Variants in IGBP1C observed in about 807,000 individuals in gnomAD.
IGBP1C encodes the protein IGBP1 family member C, also known as immunoglobulin-binding protein 1 family member C.
chr17:58,662,927 G>A, the IGBP1C span, among the ~76,000 whole-genome samples: 1 of 151,608 alleles, frequency 6.6e-6, no homozygotes, highest in African/African-American at 2.4e-5. Context: ...AGACCATGGT[G>A]AAACCCCGTC....
chr17:58,679,360 G>C, the IGBP1C span, among the ~76,000 whole-genome samples: 159 of 152,238 alleles, frequency 1.0e-3, 1 homozygote, highest in African/African-American at 3.6e-3. Context: ...AGTACTCAAT[G>C]ACAACACCAA....
the IGBP1C span, among the ~76,000 whole-genome samples, chr17:58,691,687 C>T: frequency 1.6e-4 from 19 of 115,160 alleles, no homozygotes; most frequent in African/African-American, 6.0e-4. Flanking sequence ...AAAAAAAAAT[C>T]GCCAATAGGT....
chr17:58,664,425 T>G, the IGBP1C span, among the ~76,000 whole-genome samples: 1 of 152,206 alleles, frequency 6.6e-6, no homozygotes, highest in Non-Finnish European at 1.5e-5. Context: ...TTCTTGAATT[T>G]CTTTGCTGCT....
At chr17:58,671,973 G>A in the IGBP1C span, among the ~76,000 whole-genome samples, 11 of 152,002 alleles carry the variant, frequency 7.2e-5, no homozygotes, top group Admixed American at 6.6e-4. Context: ...TTGGCACCAG[G>A]GACCAGTTTC....
At chr17:58,671,601 A>G in the IGBP1C span, among the ~76,000 whole-genome samples, 1 of 152,138 alleles carries the variant, frequency 6.6e-6, no homozygotes, top group Non-Finnish European at 1.5e-5. Context: ...ATTAAAAGCC[A>G]GCCCCAGAGC....
chr17:58,662,413 T>TCACACACACA, the IGBP1C span, among the ~76,000 whole-genome samples: 20 of 127,674 alleles, frequency 1.6e-4, no homozygotes, highest in Non-Finnish European at 2.1e-4. Context: ...AGCACACATA[T>TCACACACACA]CTCACACACA....
chr17:58,675,321 G>T, the IGBP1C span: 2 of 153,418 alleles, frequency 1.3e-5, no homozygotes, highest in South Asian at 3.6e-4. Context: ...TGATTTTCCC[G>T]AAAAAAGCTA....
At chr17:58,661,362 A>G in the IGBP1C span, 3 of 920,130 alleles carry the variant, frequency 3.3e-6, no homozygotes, top group Non-Finnish European at 3.7e-6. Context: ...ACCATCAGGT[A>G]CTTCAGGTCG....
the IGBP1C span, chr17:58,661,328 G>A: frequency 1.8e-5 from 16 of 876,870 alleles, no homozygotes; most frequent in Non-Finnish European, 3.2e-5. Flanking sequence ...TTGTTTCATG[G>A]TGAGGGCTCC....
the IGBP1C span, among the ~76,000 whole-genome samples, chr17:58,663,023 G>A: frequency 3.3e-5 from 5 of 151,476 alleles, no homozygotes; most frequent in East Asian, 1.9e-4. Context: ...GCAGGAGAAC[G>A]GTGTGAACCC....
the IGBP1C span, chr17:58,691,834 C>T: frequency 6.6e-6 from 1 of 152,200 alleles, no homozygotes; most frequent in Non-Finnish European, 1.5e-5. Flanking sequence ...TGCTTGAACA[C>T]CCCTTCCCAA....
chr17:58,674,742 C>T, the IGBP1C span, among the ~76,000 whole-genome samples: 9 of 149,032 alleles, frequency 6.0e-5, no homozygotes, highest in African/African-American at 2.2e-4. Flanking sequence ...GGAATGATTT[C>T]TTACATATGA....
At chr17:58,679,077 C>G in the IGBP1C span, among the ~76,000 whole-genome samples, 4 of 151,894 alleles carry the variant, frequency 2.6e-5, no homozygotes, top group African/African-American at 9.7e-5. Flanking sequence ...TCCCTTGAAC[C>G]CTTGAGGCTG....
At chr17:58,666,716 C>T in the IGBP1C span, 1 of 152,160 alleles carries the variant, frequency 6.6e-6, no homozygotes, top group Admixed American at 6.5e-5. Flanking sequence ...TGCGTGACCC[C>T]AGCAATCCCC....
the IGBP1C span, among the ~76,000 whole-genome samples, chr17:58,667,204 G>A: frequency 6.6e-6 from 1 of 152,162 alleles, no homozygotes; most frequent in African/African-American, 2.4e-5. Context: ...TCCAAGAAGG[G>A]GAACAGGGCA....
chr17:58,686,861 CTTTTTTTTTTTTTT>C, the IGBP1C span, among the ~76,000 whole-genome samples: 116 of 71,540 alleles, frequency 1.6e-3, 2 homozygotes, highest in Non-Finnish European at 2.0e-3. Context: ...GAAAGGTCAC[CTTTTTTTTTTTTTT>C]TTTTTTTTTT....
chr17:58,674,755 T>A, the IGBP1C span, among the ~76,000 whole-genome samples: 1 of 141,914 alleles, frequency 7.0e-6, no homozygotes, highest in Non-Finnish European at 1.5e-5. Flanking sequence ...ACATATGACA[T>A]CAAAAGCACA....
the IGBP1C span, among the ~76,000 whole-genome samples, chr17:58,670,685 A>C: frequency 6.8e-6 from 1 of 147,986 alleles, no homozygotes; most frequent in East Asian, 2.1e-4. Flanking sequence ...AGGCAGGATA[A>C]TTGCTTGAAC....
chr17:58,684,609 G>A, the IGBP1C span, among the ~76,000 whole-genome samples: 3 of 151,000 alleles, frequency 2.0e-5, no homozygotes, highest in Non-Finnish European at 2.9e-5. Flanking sequence ...CTCCAGCCTG[G>A]GCGACAGTGA....
Sources: gnomAD v4.1 joint callset for allele counts (sites outside exome capture counted in the v4.1 genomes callset) on GRCh38, gnomAD v4.1.1 for gene constraint, MANE v1.5 for transcripts, NCBI Gene and HGNC (gene_info 2026-07-23, HGNC 2026-07-21) for gene names.